Variants in CFAP54 observed in about 807,000 individuals in gnomAD.
The protein encoded by CFAP54 is cilia and flagella associated protein 54, also known as cilia- and flagella-associated protein 54.
CFAP54 carries 290 observed loss-of-function variants against 370.4 expected under a neutral mutation model. The ratio of observed to expected loss-of-function variants is 0.78; its 90% confidence interval spans 0.71 to 0.86. The LOEUF (loss-of-function observed/expected upper bound fraction) is 0.86. Ranked by LOEUF, CFAP54 falls within the 40% of genes least tolerant of loss-of-function variation. CFAP54 has a pLI of 0.00. For missense variants in CFAP54, 3,399 were observed against 3,528.7 expected (o/e 0.96, Z 0.93); for synonymous variants, 1,206 against 1,236.5 (o/e 0.98, Z 0.52).
At chr12:96,822,519 G>C (rs1254861618) in intron 65 of CFAP54, among the ~76,000 whole-genome samples, 1 of 152,110 alleles carries the variant, frequency 6.6e-6, no homozygotes, top group Non-Finnish European at 1.5e-5. Context: ...CTATTTCCAG[G>C]CTTGAGGAGG....
At chr12:96,675,022 C>T (rs1214749138) in intron 39 of CFAP54, among the ~76,000 whole-genome samples, 1 of 152,090 alleles carries the variant, frequency 6.6e-6, no homozygotes, top group Non-Finnish European at 1.5e-5. Flanking sequence ...AGGACATAGG[C>T]ATGGGCAAGG....
At chr12:96,537,100 G>T (rs1415872071) in intron 12 of CFAP54, among the ~76,000 whole-genome samples, 1 of 152,130 alleles carries the variant, frequency 6.6e-6, no homozygotes, top group Non-Finnish European at 1.5e-5. Context: ...CAGCCTCAGA[G>T]AGCTCCAGGT....
At chr12:96,558,432 TAAGTA>T (rs1244007901) in intron 17 of CFAP54, among the ~76,000 whole-genome samples, 2 of 152,068 alleles carry the variant, frequency 1.3e-5, no homozygotes, top group Non-Finnish European at 2.9e-5. Context: ...ATAAACAAAT[TAAGTA>T]AAGTTGCAGG....
intron 60 of CFAP54, among the ~76,000 whole-genome samples, chr12:96,779,736 G>A (rs1237452418): frequency 6.7e-6 from 1 of 149,486 alleles, no homozygotes; most frequent in Non-Finnish European, 1.5e-5. Flanking sequence ...GACTACAGTG[G>A]TTTACTTTTG....
intron 67 of CFAP54, among the ~76,000 whole-genome samples, chr12:96,867,749 G>C (rs1021707992): frequency 6.6e-6 from 1 of 152,166 alleles, no homozygotes; most frequent in Non-Finnish European, 1.5e-5. Flanking sequence ...AGGGACTAGA[G>C]GAGGGGCTGT....
chr12:96,537,877 C>T (rs1293515410), intron 12 of CFAP54, among the ~76,000 whole-genome samples: 1 of 151,770 alleles, frequency 6.6e-6, no homozygotes, highest in Non-Finnish European at 1.5e-5. Flanking sequence ...CACTTGAGGC[C>T]AGGGGTTCGA....
At chr12:96,713,778 G>A (rs1386044004) in intron 48 of CFAP54, among the ~76,000 whole-genome samples, 2 of 151,996 alleles carry the variant, frequency 1.3e-5, no homozygotes, top group Non-Finnish European at 2.9e-5. Flanking sequence ...AGAGGAGAGG[G>A]AATGAGACGT....
chr12:96,633,749 A>T (rs1396388750), intron 32 of CFAP54, among the ~76,000 whole-genome samples: 1 of 152,230 alleles, frequency 6.6e-6, no homozygotes, highest in East Asian at 1.9e-4. Context: ...ATGAACATTC[A>T]TGTGCAGTTT....
intron 66 of CFAP54, among the ~76,000 whole-genome samples, chr12:96,831,896 A>G (rs757045791): frequency 6.6e-6 from 1 of 152,188 alleles, no homozygotes; most frequent in Non-Finnish European, 1.5e-5. Context: ...TTAATTGTTT[A>G]TTATGGAAAT....
chr12:96,832,278 A>T (rs530651974), intron 66 of CFAP54, among the ~76,000 whole-genome samples: 2,182 of 121,002 alleles, frequency 0.018, 66 homozygotes, highest in African/African-American at 0.067. Flanking sequence ...TTGTAAAAAA[A>T]AAAAATATAT....
At chr12:96,691,761 G>C (rs937746201) in intron 44 of CFAP54, among the ~76,000 whole-genome samples, 9 of 152,034 alleles carry the variant, frequency 5.9e-5, no homozygotes, top group African/African-American at 2.2e-4. Flanking sequence ...TAGGTTCTAA[G>C]TATGAGGTAA....
chr12:96,690,372 T>C (rs1242906990), intron 43 of CFAP54, among the ~76,000 whole-genome samples: 1 of 152,218 alleles, frequency 6.6e-6, no homozygotes, highest in African/African-American at 2.4e-5. Flanking sequence ...AATTTCATGA[T>C]GCATTTGTCA....
intron 4 of CFAP54, among the ~76,000 whole-genome samples, chr12:96,509,799 G>A (rs576655424): frequency 2.8e-5 from 4 of 143,974 alleles, no homozygotes; most frequent in South Asian, 2.3e-4. Flanking sequence ...TTGGGTGACA[G>A]AGCAAGTCTC....
chr12:96,617,101 C>T (rs931500664), intron 26 of CFAP54, among the ~76,000 whole-genome samples: 2 of 152,114 alleles, frequency 1.3e-5, no homozygotes, highest in African/African-American at 4.8e-5. Flanking sequence ...ATTCAGCTAC[C>T]TGGTCTGGGC....
chr12:96,664,281 A>G (rs1332510020), intron 39 of CFAP54, among the ~76,000 whole-genome samples: 1 of 151,854 alleles, frequency 6.6e-6, no homozygotes, highest in African/African-American at 2.4e-5. Context: ...GATCCTCTCC[A>G]TCCTCTTCAC....
At chr12:96,760,270 TA>T (rs753687808) in intron 58 of CFAP54, among the ~76,000 whole-genome samples, 5 of 151,382 alleles carry the variant, frequency 3.3e-5, no homozygotes, top group African/African-American at 4.9e-5. Context: ...TGCATACATT[TA>T]AAAAAAAACT....
chr12:96,527,394 T>C lies in CFAP54; in HGVS notation c.1307T>C (p.Ile436Thr), dbSNP rs958132556. ...CCCATTGTTACAGATGAAGTGGAGA[T>C]TCATGATGTTGTCTCAGAATTGTTT... ...TGPIVTDEVE[I>T]HDVVSELFMA... The change falls in exon 9 of 68, where the codon ATT (isoleucine) becomes ACT (threonine). Residue 436 changes from isoleucine (I) to threonine (T), a missense_variant. This residue lies in a region of CFAP54 where 559 missense variants were observed against 576.7 expected (regional missense o/e 0.97). Coordinates refer to ENST00000524981, the MANE Select transcript of CFAP54 (RefSeq NM_001306084.2). 3.1e-5 allele frequency: 48 copies of C among 1,532,090 alleles called. No homozygotes were observed. The highest frequency in any genetic ancestry group is 4.2e-5 in the Non-Finnish European group (48 of 1,144,624). The allele number at this position is 1,532,090 out of a possible 1,614,324, so 94.9% of individuals were successfully genotyped here. A position where few individuals can be genotyped will look rare whatever the true frequency, so the allele number is the denominator to read the frequency against.
chr12:96,494,458 G>A (rs541793076), intron 1 of CFAP54, among the ~76,000 whole-genome samples: 3 of 152,018 alleles, frequency 2.0e-5, no homozygotes, highest in African/African-American at 7.2e-5. Context: ...ATGCCACCAC[G>A]CCCGGCTAAT....
At chr12:96,668,523 C>T (rs1957106367) in intron 39 of CFAP54, among the ~76,000 whole-genome samples, 1 of 152,122 alleles carries the variant, frequency 6.6e-6, no homozygotes, top group African/African-American at 2.4e-5. Context: ...GAGACTTATT[C>T]ATTATCATGA....
Sources: allele counts gnomAD v4.1 joint callset (sites outside exome capture counted in the v4.1 genomes callset), GRCh38; gene constraint gnomAD v4.1.1; regional missense constraint gnomAD v4.1.1; transcripts MANE v1.5; gene names NCBI Gene and HGNC (gene_info 2026-07-23, HGNC 2026-07-21).